GRIN2A: variants seen among roughly 807,000 people sequenced by gnomAD.
GRIN2A encodes the protein glutamate ionotropic receptor NMDA type subunit 2A, also known as glutamate receptor ionotropic, NMDA 2A.
GRIN2A carries 22 observed loss-of-function variants against 113.4 expected under a neutral mutation model. The ratio of observed to expected loss-of-function variants is 0.19; its 90% CI spans 0.14 to 0.28. GRIN2A has a LOEUF of 0.28. Among genes scored for constraint, GRIN2A ranks in the 10% least tolerant of loss-of-function variants. The pLI, the probability that GRIN2A is intolerant of heterozygous loss-of-function variation, is 1.00. For missense variants in GRIN2A, 1,502 were observed against 1,887.0 expected (o/e 0.80, Z 3.78); for synonymous variants, 827 against 738.4 (o/e 1.12, Z -1.94).
At chr16:10,038,243 C>A (rs2047070913) in intron 2 of GRIN2A, among the ~76,000 whole-genome samples, 1 of 152,048 alleles carries the variant, frequency 6.6e-6, no homozygotes, top group African/African-American at 2.4e-5. Context: ...CTGGCTTGCC[C>A]TAATCCCATT....
chr16:9,831,889 A>T (rs1347689430), intron 8 of GRIN2A, among the ~76,000 whole-genome samples: 1 of 151,688 alleles, frequency 6.6e-6, no homozygotes, highest in Non-Finnish European at 1.5e-5. Context: ...ATTTCATCTT[A>T]TACTATTGTC....
intron 3 of GRIN2A, among the ~76,000 whole-genome samples, chr16:9,895,574 G>C (rs16966628): frequency 0.32 from 49,089 of 152,090 alleles, 9,958 homozygotes; most frequent in African/African-American, 0.58. Flanking sequence ...TTGTAGTAAC[G>C]CAAGCAAGGA....
intron 7 of GRIN2A, among the ~76,000 whole-genome samples, chr16:9,837,711 C>T (rs1244522302): frequency 6.6e-6 from 1 of 152,160 alleles, no homozygotes; most frequent in Non-Finnish European, 1.5e-5. Context: ...TGAATGTCCA[C>T]TTAAGAATTA....
chr16:9,992,829 A>G (rs1308539654), intron 2 of GRIN2A, among the ~76,000 whole-genome samples: 1 of 152,218 alleles, frequency 6.6e-6, no homozygotes, highest in Non-Finnish European at 1.5e-5. Context: ...CAATGTGCAT[A>G]CTACCTGGGA....
chr16:9,904,238 C>T (rs1046827773), intron 3 of GRIN2A, among the ~76,000 whole-genome samples: 1 of 152,218 alleles, frequency 6.6e-6, no homozygotes, highest in African/African-American at 2.4e-5. Context: ...CTGGAAAGTT[C>T]AAGATCAAGG....
intron 4 of GRIN2A, among the ~76,000 whole-genome samples, chr16:9,855,052 C>A (rs1292647076): frequency 6.6e-6 from 1 of 151,710 alleles, no homozygotes; most frequent in African/African-American, 2.4e-5. Context: ...TGTATATGCA[C>A]ATATGGATCC....
Position 10,151,518 on chromosome 16 carries a change from A to G in GRIN2A, c.414+28480T>C, listed in dbSNP as rs117754358. The stretch of plus-strand genomic sequence containing the variant: ...AACTCCATGGTTCCCTAGGGACTCA[A>G]TTCAAAAGTTACAGGGCCATTTTTA... On this transcript the variant is annotated intron_variant, in intron 2 of 12. Coordinates refer to ENST00000330684, the MANE Select transcript of GRIN2A (RefSeq NM_001134407.3). Among the ~76,000 whole-genome samples the G allele has an allele frequency of 4.0e-3, 603 of 152,344 alleles. 9 individuals are homozygous for G. The highest frequency in any genetic ancestry group is 0.03 in the East Asian group (154 of 5,188).
intron 9 of GRIN2A, among the ~76,000 whole-genome samples, chr16:9,824,220 G>A (rs1450716703): frequency 2.6e-5 from 4 of 152,194 alleles, no homozygotes; most frequent in African/African-American, 9.6e-5. Flanking sequence ...TGCCCTGGGA[G>A]TATGTGCGTC....
chr16:9,932,450 A>G (rs962541932), intron 3 of GRIN2A, among the ~76,000 whole-genome samples: 6 of 152,026 alleles, frequency 3.9e-5, no homozygotes, highest in African/African-American at 1.5e-4. Flanking sequence ...ATCTCAGCTC[A>G]CTGCAACCTC....
intron 3 of GRIN2A, among the ~76,000 whole-genome samples, chr16:9,913,421 G>A (rs1165503418): frequency 6.6e-6 from 1 of 152,166 alleles, no homozygotes; most frequent in Non-Finnish European, 1.5e-5. Flanking sequence ...AAGATTTATA[G>A]ACATTTGCTA....
intron 2 of GRIN2A, among the ~76,000 whole-genome samples, chr16:9,964,869 G>T (rs753958610): frequency 6.6e-6 from 1 of 152,134 alleles, no homozygotes; most frequent in African/African-American, 2.4e-5. Context: ...TCACAGCATG[G>T]ACATCTTAGG....
chr16:9,802,189 C>A (rs991865444), intron 10 of GRIN2A, among the ~76,000 whole-genome samples: 2 of 152,124 alleles, frequency 1.3e-5, no homozygotes, highest in African/African-American at 2.4e-5. Context: ...ACTGGGTATA[C>A]ACCCAAAGGA....
intron 3 of GRIN2A, among the ~76,000 whole-genome samples, chr16:9,921,254 C>T (rs141054924): frequency 6.6e-6 from 1 of 152,272 alleles, no homozygotes; most frequent in Non-Finnish European, 1.5e-5. Flanking sequence ...AAATTAATTT[C>T]CATCAGTCAC....
At chr16:10,029,239 G>T (rs1405553592) in intron 2 of GRIN2A, among the ~76,000 whole-genome samples, 1 of 151,766 alleles carries the variant, frequency 6.6e-6, no homozygotes, top group Non-Finnish European at 1.5e-5. Context: ...TTGTTGCCCA[G>T]GCTGGAGTGC....
intron 2 of GRIN2A, among the ~76,000 whole-genome samples, chr16:9,992,381 C>A (rs771299994): frequency 1.3e-5 from 2 of 152,176 alleles, no homozygotes; most frequent in African/African-American, 4.8e-5. Context: ...AAGACAGATT[C>A]TATTTGCTCA....
At chr16:9,771,255 C>G (rs1317502969) in intron 11 of GRIN2A, among the ~76,000 whole-genome samples, 6 of 150,738 alleles carry the variant, frequency 4.0e-5, no homozygotes, top group Non-Finnish European at 1.5e-5. Context: ...TCATTCTCTC[C>G]TCTAGGTTAT....
intron 2 of GRIN2A, among the ~76,000 whole-genome samples, chr16:10,102,106 T>A (rs1734564330): frequency 6.6e-6 from 1 of 152,244 alleles, no homozygotes. Context: ...TTTCACCAAC[T>A]ATTTCAATAA....
At chr16:9,882,638 T>C (rs893315618) in intron 4 of GRIN2A, among the ~76,000 whole-genome samples, 2 of 152,026 alleles carry the variant, frequency 1.3e-5, no homozygotes, top group Non-Finnish European at 2.9e-5. Flanking sequence ...GAAATAAAAA[T>C]TAGCCAGGCA....
chr16:9,866,361 C>T (rs2043160201), intron 4 of GRIN2A, among the ~76,000 whole-genome samples: 1 of 152,052 alleles, frequency 6.6e-6, no homozygotes, highest in Non-Finnish European at 1.5e-5. Context: ...CAGAGAACAG[C>T]ATGCACAAAA....
Sources: allele counts gnomAD v4.1 joint callset (sites outside exome capture counted in the v4.1 genomes callset), GRCh38; gene constraint gnomAD v4.1.1; transcripts MANE v1.5; gene names NCBI Gene and HGNC (gene_info 2026-07-23, HGNC 2026-07-21).